Variants in ZFAT observed in about 807,000 individuals in gnomAD.
ZFAT encodes the protein zinc finger and AT-hook domain containing.
In ZFAT, 64 loss-of-function variants were observed where a neutral mutation model predicts 117.7. That is an observed-to-expected ratio of 0.54 (90% confidence interval 0.44 to 0.67). The LOEUF is 0.67. Among genes scored for constraint, ZFAT ranks in the 30% least tolerant of loss-of-function variants. The probability of loss-of-function intolerance (pLI) is 0.00; values close to 1 mark genes in which losing one functional copy is unlikely to be tolerated. For missense variants in ZFAT, 1,433 were observed against 1,584.5 expected (o/e 0.90, Z 1.62); for synonymous variants, 679 against 615.0 (o/e 1.10, Z -1.54).
At chr8:134,679,474 C>T (rs1832965199) in intron 1 of ZFAT, among the ~76,000 whole-genome samples, 1 of 152,240 alleles carries the variant, frequency 6.6e-6, no homozygotes, top group South Asian at 2.1e-4. Context: ...AATACTAACG[C>T]TTTTACACTG....
At chr8:134,808,156 G>A in the ZFAT span, among the ~76,000 whole-genome samples, 1 of 152,184 alleles carries the variant, frequency 6.6e-6, no homozygotes, top group East Asian at 1.9e-4. Context: ...AACAAATTGT[G>A]GTTTCCCTGA....
chr8:134,572,883 A>T (rs1245805868), intron 10 of ZFAT, among the ~76,000 whole-genome samples: 1 of 152,232 alleles, frequency 6.6e-6, no homozygotes, highest in East Asian at 1.9e-4. Flanking sequence ...TCCTTATGAA[A>T]TTCTTTATTT....
chr8:134,771,886 G>A, the ZFAT span, among the ~76,000 whole-genome samples: 15 of 152,216 alleles, frequency 9.9e-5, no homozygotes, highest in Admixed American at 3.3e-4. Context: ...AGGCAAGGAG[G>A]AGCAAGTCAC....
chr8:134,533,725 G>A (rs903217973), intron 11 of ZFAT, among the ~76,000 whole-genome samples: 17 of 152,182 alleles, frequency 1.1e-4, no homozygotes, highest in Non-Finnish European at 1.5e-4. Context: ...GGCCACAAAC[G>A]AGTCATGCAG....
chr8:134,551,503 C>T (rs1823165810), intron 11 of ZFAT, among the ~76,000 whole-genome samples: 1 of 152,174 alleles, frequency 6.6e-6, no homozygotes, highest in Non-Finnish European at 1.5e-5. Flanking sequence ...ATGAAAACGT[C>T]TTCTAGGTAA....
At chr8:134,782,127 C>T in the ZFAT span, among the ~76,000 whole-genome samples, 2 of 152,154 alleles carry the variant, frequency 1.3e-5, no homozygotes, top group Admixed American at 1.3e-4. Context: ...TAATGTCTTG[C>T]CCCAAGCCTA....
At chr8:134,576,236 T>C (rs969255676) in intron 10 of ZFAT, among the ~76,000 whole-genome samples, 4 of 152,212 alleles carry the variant, frequency 2.6e-5, no homozygotes, top group Non-Finnish European at 5.9e-5. Context: ...GTTCATTTTA[T>C]AGTATGGGCC....
At chr8:134,669,383 A>C (rs538428557) in intron 1 of ZFAT, among the ~76,000 whole-genome samples, 1 of 152,388 alleles carries the variant, frequency 6.6e-6, no homozygotes, top group African/African-American at 2.4e-5. Context: ...AGGGAAGCCC[A>C]TCTGACTAAC....
At chr8:134,544,653 G>T (rs1472589063) in intron 11 of ZFAT, among the ~76,000 whole-genome samples, 2 of 152,048 alleles carry the variant, frequency 1.3e-5, no homozygotes, top group Admixed American at 1.3e-4. Context: ...TTTACTAGAA[G>T]AAAAGGTGGA....
At chr8:134,649,319 T>C (rs1831096377) in intron 2 of ZFAT, among the ~76,000 whole-genome samples, 1 of 152,064 alleles carries the variant, frequency 6.6e-6, no homozygotes, top group Admixed American at 6.5e-5. Flanking sequence ...CCAGGGAAAT[T>C]GGGCAAGAAA....
chr8:134,764,417 A>C, the ZFAT span, among the ~76,000 whole-genome samples: 2 of 152,354 alleles, frequency 1.3e-5, no homozygotes, highest in East Asian at 1.9e-4. Flanking sequence ...TAAACAGATA[A>C]ATTGGCTTGA....
At chr8:134,710,470 T>C (rs1429286560) in intron 1 of ZFAT, among the ~76,000 whole-genome samples, 2 of 152,238 alleles carry the variant, frequency 1.3e-5, no homozygotes, top group African/African-American at 4.8e-5. Context: ...AAAGTTTCCA[T>C]TTGCCCCAAC....
At chr8:134,784,531 A>C in the ZFAT span, 1 of 152,196 alleles carries the variant, frequency 6.6e-6, no homozygotes, top group African/African-American at 2.4e-5. Context: ...TAGCGAACAT[A>C]AAAATTTTGT....
chr8:134,805,689 ATT>A, the ZFAT span, among the ~76,000 whole-genome samples: 1 of 152,164 alleles, frequency 6.6e-6, no homozygotes, highest in Non-Finnish European at 1.5e-5. Flanking sequence ...AATATGTAAA[ATT>A]GCCAGGCACA....
chr8:134,791,277 T>C, the ZFAT span, among the ~76,000 whole-genome samples: 17 of 152,204 alleles, frequency 1.1e-4, no homozygotes, highest in African/African-American at 2.7e-4. Context: ...GGTTATTGTG[T>C]AGAAGTTTGC....
At chr8:134,486,254 C>G (rs978871798) in intron 15 of ZFAT, among the ~76,000 whole-genome samples, 1 of 151,812 alleles carries the variant, frequency 6.6e-6, no homozygotes, top group African/African-American at 2.4e-5. Context: ...CTCCCGCAAG[C>G]CTGTGCCCTC....
chr8:134,537,067 A>T (rs1821895851), intron 11 of ZFAT, among the ~76,000 whole-genome samples: 1 of 152,222 alleles, frequency 6.6e-6, no homozygotes, highest in African/African-American at 2.4e-5. Flanking sequence ...AACATGATAA[A>T]TATTACTGAT....
the ZFAT span, among the ~76,000 whole-genome samples, chr8:134,791,745 C>T: frequency 6.6e-6 from 1 of 152,154 alleles, no homozygotes; most frequent in African/African-American, 2.4e-5. Context: ...TGATTTTGCT[C>T]AGTGACAATA....
chr8:134,830,299 T>C, the ZFAT span, among the ~76,000 whole-genome samples: 1 of 152,288 alleles, frequency 6.6e-6, no homozygotes, highest in Non-Finnish European at 1.5e-5. Flanking sequence ...CTATGGCCAA[T>C]AGGAGCAAGA....
Sources: allele counts gnomAD v4.1 joint callset (sites outside exome capture counted in the v4.1 genomes callset), GRCh38; gene constraint gnomAD v4.1.1; transcripts MANE v1.5; gene names NCBI Gene and HGNC (gene_info 2026-07-23, HGNC 2026-07-21).